RASGEF1B: variants seen among roughly 807,000 people sequenced by gnomAD.
RASGEF1B encodes RasGEF domain family member 1B.
Under a neutral mutation model 65.7 loss-of-function variants are expected in RASGEF1B, and 30 were observed. The observed-to-expected ratio is 0.46, with a 90% confidence interval of 0.34 to 0.62. RASGEF1B has a LOEUF of 0.62. Ranked by LOEUF, RASGEF1B falls within the 20% of genes least tolerant of loss-of-function variation. The pLI is 0.01. For synonymous variants in RASGEF1B, 175 were observed against 194.8 expected, an observed-to-expected ratio of 0.90 and a Z score of 0.85; for missense variants, 495 against 580.1, an observed-to-expected ratio of 0.85 and a Z score of 1.51.
chr4:81,448,247 C>T lies in RASGEF1B; in HGVS notation c.476G>A (p.Cys159Tyr), dbSNP rs540934459. ...GAGCGCAGCAAGCTTGCGGATCAGA[C>T]ACTGCATCATTTGCTGGACATTCTT... ...YRKNVQQMMQ[C>Y]LIRKLAALSQ... The change falls in exon 5 of 14, where the codon TGT (cysteine) becomes TAT (tyrosine). Residue 159 changes from cysteine to tyrosine, a missense_variant. Cys to Tyr is a radical substitution (Grantham distance 194, BLOSUM62 -2). Coordinates refer to ENST00000264400, the MANE Select transcript of RASGEF1B (RefSeq NM_152545.3). 7.4e-6 allele frequency: 12 copies of T among 1,613,182 alleles called. No individual in the cohort carries two copies. The African/African-American group carries it at 1.6e-4, about 21-fold the overall frequency.
chr4:81,439,769 T>G (rs1316547942), intron 10 of RASGEF1B, among the ~76,000 whole-genome samples: 1 of 152,196 alleles, frequency 6.6e-6, no homozygotes, highest in East Asian at 1.9e-4. Flanking sequence ...AAGTAAAACT[T>G]AAAAGCTGGC....
intron 1 of RASGEF1B, among the ~76,000 whole-genome samples, chr4:81,461,507 G>A (rs933640256): frequency 2.0e-5 from 3 of 152,184 alleles, no homozygotes; most frequent in Non-Finnish European, 4.4e-5. Flanking sequence ...TTCTAACAAA[G>A]TGCTTTTGGG....
intron 4 of RASGEF1B, among the ~76,000 whole-genome samples, chr4:81,450,071 A>G (rs768412044): frequency 3.9e-5 from 6 of 152,212 alleles, no homozygotes; most frequent in Non-Finnish European, 8.8e-5. Flanking sequence ...TAAGGTTATC[A>G]GTTTAGAAAA....
rs1172966475 is a variant in RASGEF1B, at chr4:81,427,038, T to C, written c.*730A>G. On this transcript the variant is annotated 3_prime_UTR_variant, in exon 14 of 14. Transcript: ENST00000264400. ...CCTTCTAGCATGTTAAGCAGTCCAATGACAAACTCTGCTTTTTATTTTCTT... is the reference window on the plus strand; with the variant it reads ...CCTTCTAGCATGTTAAGCAGTCCAACGACAAACTCTGCTTTTTATTTTCTT... 1 of 126,248 alleles carries C rather than the reference T, an allele frequency of 7.9e-6. No individual in the cohort carries two copies. The highest frequency in any genetic ancestry group is 2.4e-4 in the East Asian group (1 of 4,194). 7.8% of individuals were successfully genotyped at this position (126,248 alleles called of 1,614,324 possible).
intron 4 of RASGEF1B, 65 bp downstream of exon 4, chr4:81,456,586 G>A (rs571450441): frequency 1.3e-6 from 2 of 1,580,698 alleles, no homozygotes; most frequent in African/African-American, 1.3e-5. Context: ...GCATAATTCG[G>A]CACCATTTCC....
intron 10 of RASGEF1B, among the ~76,000 whole-genome samples, chr4:81,436,301 C>G (rs1721630673): frequency 6.6e-6 from 1 of 152,122 alleles, no homozygotes; most frequent in Non-Finnish European, 1.5e-5. Context: ...TTAGCACCTG[C>G]TCTCATAGGA....
chr4:81,467,788 A>G (rs983883441), intron 1 of RASGEF1B, among the ~76,000 whole-genome samples: 3 of 152,202 alleles, frequency 2.0e-5, no homozygotes, highest in African/African-American at 7.2e-5. Flanking sequence ...AATGCCTTAC[A>G]TTGTAGGTGC....
At chr4:81,442,056 G>A (rs540098548) in intron 9 of RASGEF1B, among the ~76,000 whole-genome samples, 2 of 152,268 alleles carry the variant, frequency 1.3e-5, no homozygotes, top group South Asian at 2.1e-4. Flanking sequence ...TGATGTGACT[G>A]ACAGGTCACT....
chr4:81,467,312 T>G (rs1180328429), intron 1 of RASGEF1B, among the ~76,000 whole-genome samples: 7 of 152,214 alleles, frequency 4.6e-5, no homozygotes, highest in Non-Finnish European at 1.0e-4. Context: ...CTCAAATAGT[T>G]TACTATCTTT....
chr4:81,443,041 A>C (rs1721897481), intron 8 of RASGEF1B, among the ~76,000 whole-genome samples: 1 of 152,242 alleles, frequency 6.6e-6, no homozygotes, highest in South Asian at 2.1e-4. Flanking sequence ...TTTCCCAAGG[A>C]TATCCAGTTA....
chr4:81,430,577 T>G (rs932660807), intron 13 of RASGEF1B, among the ~76,000 whole-genome samples: 1 of 152,204 alleles, frequency 6.6e-6, no homozygotes, highest in Non-Finnish European at 1.5e-5. Context: ...CCCACTGGTA[T>G]GCTCCTCTAG....
intron 1 of RASGEF1B, among the ~76,000 whole-genome samples, chr4:81,468,510 A>C (rs556806011): frequency 6.6e-6 from 1 of 152,340 alleles, no homozygotes; most frequent in South Asian, 2.1e-4. Context: ...TATAAACCTA[A>C]GAAAAAATGA....
At chr4:81,429,006 AC>A (rs1365686828) in intron 13 of RASGEF1B, among the ~76,000 whole-genome samples, 1 of 152,260 alleles carries the variant, frequency 6.6e-6, no homozygotes, top group Non-Finnish European at 1.5e-5. Flanking sequence ...CAATGACACT[AC>A]AGGAGCATGG....
At chr4:81,468,748 C>T (rs1224856020) in intron 1 of RASGEF1B, among the ~76,000 whole-genome samples, 1 of 152,214 alleles carries the variant, frequency 6.6e-6, no homozygotes, top group Non-Finnish European at 1.5e-5. Flanking sequence ...GAACACCTAA[C>T]TGCAAATCAC....
At chr4:81,452,967 T>C (rs1348600) in intron 4 of RASGEF1B, 22,439 of 146,864 alleles carry the variant, frequency 0.15, 1,843 homozygotes, top group South Asian at 0.25. Flanking sequence ...CTAAATTATA[T>C]ATACGGCACA....
intron 1 of RASGEF1B, among the ~76,000 whole-genome samples, chr4:81,460,223 C>T (rs1405198102): frequency 6.6e-6 from 1 of 152,184 alleles, no homozygotes; most frequent in African/African-American, 2.4e-5. Context: ...GCAAGGAGCA[C>T]TGTGACAGTC....
chr4:81,440,687 T>C, intron 10 of RASGEF1B, 147 bp downstream of exon 10: 1 of 552,790 alleles, frequency 1.8e-6, no homozygotes, highest in South Asian at 2.9e-5. Context: ...TCCTTCTCTG[T>C]GTGTCAAGTG....
intron 4 of RASGEF1B, chr4:81,453,366 T>G (rs1236434950): frequency 6.6e-6 from 1 of 152,206 alleles, no homozygotes; most frequent in African/African-American, 2.4e-5. Flanking sequence ...AGTATTTTCA[T>G]ACAACATCCG....
chr4:81,469,654 T>TAC (rs35924621), intron 1 of RASGEF1B, among the ~76,000 whole-genome samples: 1,651 of 151,006 alleles, frequency 0.011, 17 homozygotes, highest in African/African-American at 0.032. Context: ...TGTGTATATA[T>TAC]ACACACACAC....
Sources: allele counts gnomAD v4.1 joint callset (sites outside exome capture counted in the v4.1 genomes callset), GRCh38; gene constraint gnomAD v4.1.1; transcripts MANE v1.5; gene names NCBI Gene and HGNC (gene_info 2026-07-23, HGNC 2026-07-21).